Variants in SPHKAP observed in about 807,000 individuals in gnomAD.
SPHKAP encodes A-kinase anchor protein SPHKAP.
Under a neutral mutation model 137.5 loss-of-function variants are expected in SPHKAP, and 67 were observed. The ratio of observed to expected loss-of-function variants is 0.49; its 90% CI spans 0.40 to 0.60. The LOEUF (loss-of-function observed/expected upper bound fraction) is 0.60. Among genes scored for constraint, SPHKAP ranks in the 20% least tolerant of loss-of-function variants. The probability of loss-of-function intolerance (pLI) is 0.00; values close to 1 mark genes in which losing one functional copy is unlikely to be tolerated. For missense variants in SPHKAP, 2,097 were observed against 2,069.3 expected, an observed-to-expected ratio of 1.01 and a Z score of -0.26; for synonymous variants, 813 against 785.3, an observed-to-expected ratio of 1.04 and a Z score of -0.59.
intron 4 of SPHKAP, among the ~76,000 whole-genome samples, chr2:228,027,160 A>G (rs1695073440): frequency 2.0e-5 from 3 of 152,336 alleles, no homozygotes; most frequent in Middle Eastern, 3.4e-3. Flanking sequence ...AGCAAATCTG[A>G]GAGACAGAGG....
chr2:228,150,773 C>G (rs1286780616), intron 1 of SPHKAP, among the ~76,000 whole-genome samples: 1 of 151,636 alleles, frequency 6.6e-6, no homozygotes, highest in Non-Finnish European at 1.5e-5. Flanking sequence ...TTTTTGGAGA[C>G]AGGGTCTCAT....
intron 2 of SPHKAP, among the ~76,000 whole-genome samples, chr2:228,122,821 G>A (rs1163551581): frequency 6.6e-6 from 1 of 152,166 alleles, no homozygotes; most frequent in Non-Finnish European, 1.5e-5. Flanking sequence ...GAATGAAATC[G>A]CCTCCAGAGG....
intron 11 of SPHKAP, among the ~76,000 whole-genome samples, chr2:227,989,865 C>T (rs1002786573): frequency 6.6e-6 from 1 of 151,838 alleles, no homozygotes; most frequent in African/African-American, 2.4e-5. Context: ...GATCTGCCCA[C>T]CTTGGCCTCC....
intron 3 of SPHKAP, among the ~76,000 whole-genome samples, chr2:228,067,440 C>T (rs1262674201): frequency 1.3e-5 from 2 of 152,178 alleles, no homozygotes; most frequent in East Asian, 1.9e-4. Context: ...GTGGGTACTT[C>T]ATTTCATATG....
At chr2:228,039,067 G>A (rs537026398) in intron 3 of SPHKAP, among the ~76,000 whole-genome samples, 2 of 152,174 alleles carry the variant, frequency 1.3e-5, no homozygotes, top group Non-Finnish European at 2.9e-5. Context: ...ACCCATAAAA[G>A]GTGCTAACAT....
intron 3 of SPHKAP, among the ~76,000 whole-genome samples, chr2:228,081,989 T>C (rs1459830245): frequency 2.0e-5 from 3 of 152,352 alleles, no homozygotes; most frequent in Non-Finnish European, 4.4e-5. Context: ...GTAATGTGTA[T>C]ATTAATAGCT....
chr2:228,169,046 A>G (rs1053660218), intron 1 of SPHKAP, among the ~76,000 whole-genome samples: 7 of 151,700 alleles, frequency 4.6e-5, no homozygotes, highest in Admixed American at 2.0e-4. Context: ...CAATTCTATG[A>G]AGTTTGGAAG....
chr2:228,087,002 C>T (rs1224603989), intron 3 of SPHKAP, among the ~76,000 whole-genome samples: 3 of 152,100 alleles, frequency 2.0e-5, no homozygotes, highest in African/African-American at 7.2e-5. Context: ...AATTTATAGC[C>T]CAGGGCATTG....
At position 228,021,823 on chromosome 2, in the gene SPHKAP, G is replaced by A. The variant is rs1198685185; in HGVS notation, c.585C>T (p.Asn195=). 4 of 1,614,034 alleles carry A rather than the reference G, an allele frequency of 2.5e-6. No individual in the cohort carries two copies. Among genetic ancestry groups the A allele is most frequent in the African/African-American group, 2.7e-5 (2 of 74,916 alleles). ...TCGTGTCATCCTCCAGTTTCAAGAT[G>A]TTTGTTTCCAGGTGGAGCTGTCGCT... ...VQERQLHLET[N]ILKLEDDTNC... Residue 195 remains asparagine (N), a synonymous_variant, in exon 6 of 12, where the codon AAC becomes AAT. Transcript: ENST00000392056.
At chr2:228,165,288 C>T (rs1365067041) in intron 1 of SPHKAP, among the ~76,000 whole-genome samples, 1 of 151,998 alleles carries the variant, frequency 6.6e-6, no homozygotes, top group Non-Finnish European at 1.5e-5. Context: ...GTTAGAAGTC[C>T]CACTACACAG....
At position 228,016,447 on chromosome 2, in the gene SPHKAP, C is replaced by T; in HGVS notation, c.4407G>A (p.Val1469=). 6.2e-7 allele frequency: 1 copy of T among 1,610,656 alleles called. No homozygotes were observed. Among genetic ancestry groups the T allele is most frequent in the South Asian group, 1.1e-5 (1 of 90,638 alleles). Reference sequence around the variant, plus strand: ...CGCTCACGGCTGTGTCTCCACCTCTCACCACATCTGGGATGTTTTTGTCAT... The same window carrying T: ...CGCTCACGGCTGTGTCTCCACCTCTTACCACATCTGGGATGTTTTTGTCAT... ...HSNDKNIPDV[V]RGGDTAVSAC... is the part of the protein sequence containing the mutation. Residue 1469 remains valine (V), a synonymous_variant, in exon 7 of 12, where the codon GTG becomes GTA. Transcript: ENST00000392056.
chr2:227,995,666 C>T lies in SPHKAP; in HGVS notation c.4477G>A (p.Glu1493Lys). ...CTGGCTTCTGTGGAGGCTTCAGCCT[C>T]TGGTACATCTCTGGTATCAAGGCTG... The part of the protein sequence containing the change: ...SDSLDTRDVP[E>K]AEASTEARAP... Residue 1493 changes from glutamate (E) to lysine (K), a missense_variant, in exon 8 of 12, where the codon GAG (glutamate) becomes AAG (lysine). Coordinates refer to ENST00000392056, the MANE Select transcript of SPHKAP (RefSeq NM_001142644.2). 1 of 1,608,790 alleles carries T rather than the reference C, an allele frequency of 6.2e-7. No homozygotes were observed.
chr2:228,081,512 T>G (rs1697363895), intron 3 of SPHKAP, among the ~76,000 whole-genome samples: 1 of 152,228 alleles, frequency 6.6e-6, no homozygotes, highest in Non-Finnish European at 1.5e-5. Context: ...TATTACAGTA[T>G]TATTCATGAT....
chr2:228,005,351 T>C (rs551830891), intron 7 of SPHKAP, among the ~76,000 whole-genome samples: 1 of 152,350 alleles, frequency 6.6e-6, no homozygotes, highest in African/African-American at 2.4e-5. Context: ...AAAGTCTGTT[T>C]TATCAGAGAC....
chr2:228,033,880 G>A (rs754293518), intron 3 of SPHKAP, among the ~76,000 whole-genome samples: 2 of 152,256 alleles, frequency 1.3e-5, no homozygotes, highest in Non-Finnish European at 2.9e-5. Flanking sequence ...ATTCAAAGAA[G>A]TATGTAGAGG....
At chr2:228,064,290 C>T (rs767135534) in intron 3 of SPHKAP, among the ~76,000 whole-genome samples, 1 of 152,132 alleles carries the variant, frequency 6.6e-6, no homozygotes, top group Admixed American at 6.5e-5. Context: ...AGAAGAATCA[C>T]GACTCAACTT....
chr2:227,984,028 C>T (rs1051532424), intron 11 of SPHKAP, among the ~76,000 whole-genome samples: 2 of 152,070 alleles, frequency 1.3e-5, no homozygotes, highest in African/African-American at 4.8e-5. Flanking sequence ...AGGCTGGGTT[C>T]GGTGGCTCAC....
Position 228,018,394 on chromosome 2 carries a change from C to T in SPHKAP, c.2460G>A (p.Val820=), listed in dbSNP as rs763818208. Residue 820 remains valine (V), a synonymous_variant, in exon 7 of 12, where the codon GTG becomes GTA. Coordinates refer to ENST00000392056, the MANE Select transcript of SPHKAP (RefSeq NM_001142644.2). ...LQSQLSRSHR[V]PDSSTATTSS... ...ATGTTGTAGCAGTTGAAGAATCGGG[C>T]ACTCTGTGACTACGTGATAATTGTG... 5 of 1,613,898 alleles carry T rather than the reference C, an allele frequency of 3.1e-6. No individual in the cohort carries two copies. The highest frequency in any genetic ancestry group is 2.2e-5 in the East Asian group (1 of 44,896).
chr2:227,981,900 G>A, intron 11 of SPHKAP, 40 bp from the exon 12 acceptor site: 3 of 1,587,232 alleles, frequency 1.9e-6, no homozygotes, highest in Non-Finnish European at 1.7e-6. Flanking sequence ...AGAGCACAGA[G>A]GGTCCTCAAA....
Sources: allele counts gnomAD v4.1 joint callset (sites outside exome capture counted in the v4.1 genomes callset), GRCh38; gene constraint gnomAD v4.1.1; transcripts MANE v1.5; gene names NCBI Gene and HGNC (gene_info 2026-07-23, HGNC 2026-07-21).